UBE2D1: variants seen among roughly 807,000 people sequenced by gnomAD.
UBE2D1 encodes ubiquitin-conjugating enzyme E2 D1.
UBE2D1 carries 9 observed loss-of-function variants against 24.6 expected under a neutral mutation model. The ratio of observed to expected loss-of-function variants is 0.37; its 90% CI spans 0.22 to 0.64. The LOEUF (loss-of-function observed/expected upper bound fraction) is 0.64. Ranked by LOEUF, UBE2D1 falls within the 30% of genes least tolerant of loss-of-function variation. The probability of loss-of-function intolerance (pLI) is 0.64; values close to 1 mark genes in which losing one functional copy is unlikely to be tolerated. For missense variants in UBE2D1, 87 were observed against 177.1 expected, an observed-to-expected ratio of 0.49 and a Z score of 2.89; for synonymous variants, 57 against 57.6, an observed-to-expected ratio of 0.99 and a Z score of 0.04.
At chr10:58,367,390 T>C (rs968580572) in intron 5 of UBE2D1, among the ~76,000 whole-genome samples, 1 of 152,194 alleles carries the variant, frequency 6.6e-6, no homozygotes, top group African/African-American at 2.4e-5. Flanking sequence ...TTTTCATTTC[T>C]TTTTTAAAAT....
Position 58,364,877 on chromosome 10 carries a change from G to C in UBE2D1, c.304+1G>C, listed in dbSNP as rs1178779170. 1 of 1,608,258 alleles carries C rather than the reference G, an allele frequency of 6.2e-7. No homozygotes were observed. Among genetic ancestry groups the C allele is most frequent in the Non-Finnish European group, 8.5e-7 (1 of 1,175,420 alleles). The stretch of plus-strand genomic sequence containing the variant: ...TCACCAGCTCTGACTGTATCAAAAG[G>C]TAATTTCATTGATCAGGTTTGAAAC... On this transcript the variant is annotated splice_donor_variant, in intron 5 of 6. Transcript: ENST00000373910. LOFTEE classifies it high-confidence loss of function.
In UBE2D1 at chr10:58,370,663, CAA is replaced by C. The variant is rs11336978; in HGVS notation, c.*1909_*1910del. On this transcript the variant is annotated 3_prime_UTR_variant, in exon 7 of 7. Transcript: ENST00000373910. ...GTTTCTTGAATATCTTCACTTTAAACAAAAAAAAAAAACAACTTTCATTTGTG... is the reference window on the plus strand; with the variant it reads ...GTTTCTTGAATATCTTCACTTTAAACAAAAAAAAAACAACTTTCATTTGTG... 3.5e-4 allele frequency: 51 copies of C among 144,708 alleles called. No homozygotes were observed. The highest frequency in any genetic ancestry group is 2.5e-3 in the Admixed American group (36 of 14,390). 9.0% of individuals were successfully genotyped at this position (144,708 alleles called of 1,614,324 possible).
chr10:58,351,649 T>A (rs534027407), intron 1 of UBE2D1, among the ~76,000 whole-genome samples: 55 of 152,324 alleles, frequency 3.6e-4, no homozygotes, highest in African/African-American at 1.3e-3. Context: ...TTTTTTTATT[T>A]TATAAGTAGA....
chr10:58,343,737 A>G (rs1839986902), intron 1 of UBE2D1, among the ~76,000 whole-genome samples: 1 of 152,154 alleles, frequency 6.6e-6, no homozygotes, highest in Admixed American at 6.5e-5. Context: ...TTCAAGAATA[A>G]TACTGGATGA....
At chr10:58,345,323 A>C (rs939878663) in intron 1 of UBE2D1, among the ~76,000 whole-genome samples, 2 of 152,100 alleles carry the variant, frequency 1.3e-5, no homozygotes, top group African/African-American at 4.8e-5. Flanking sequence ...AAAAAATTAA[A>C]AAATAGCTCA....
At chr10:58,361,034 G>A (rs1589002824) in intron 1 of UBE2D1, 5 of 484,368 alleles carry the variant, frequency 1.0e-5, no homozygotes, top group Non-Finnish European at 1.5e-5. Flanking sequence ...TATCAACCTA[G>A]CATTTACATA....
At position 58,335,199 on chromosome 10, in the gene UBE2D1, C is replaced by G. The variant is rs1386994448; in HGVS notation, c.-3C>G. The stretch of plus-strand genomic sequence containing the variant: ...CCGGTGTCCCCACCGCCATCCCTGA[C>G]CCATGGCGCTGAAGAGGATTCAGAA... On this transcript the variant is annotated 5_prime_UTR_variant, in exon 1 of 7. Coordinates refer to ENST00000373910, the MANE Select transcript of UBE2D1 (RefSeq NM_003338.5). 6.5e-7 allele frequency: 1 copy of G among 1,548,690 alleles called. No homozygotes were observed. Among genetic ancestry groups the G allele is most frequent in the Non-Finnish European group, 8.7e-7 (1 of 1,149,884 alleles).
chr10:58,366,768 TG>T, intron 5 of UBE2D1, among the ~76,000 whole-genome samples: 1 of 150,896 alleles, frequency 6.6e-6, no homozygotes, highest in East Asian at 2.0e-4. Context: ...TTTTATTTTT[TG>T]AGATGCAGTT....
At chr10:58,351,096 T>C (rs953134430) in intron 1 of UBE2D1, among the ~76,000 whole-genome samples, 3 of 152,224 alleles carry the variant, frequency 2.0e-5, no homozygotes, top group Non-Finnish European at 4.4e-5. Flanking sequence ...GAAGTTGTTC[T>C]GGGTAAGTCA....
rs769251670 is a variant in UBE2D1, at chr10:58,369,159, C to G, written c.*394C>G. ...TATAAATCTGTATTCAGATTTCATT[C>G]TTTGTTAGCTCACTTTATAATTTGT... On this transcript the variant is annotated 3_prime_UTR_variant, in exon 7 of 7. Coordinates refer to ENST00000373910, the MANE Select transcript of UBE2D1 (RefSeq NM_003338.5). 6.5e-6 allele frequency: 1 copy of G among 154,352 alleles called. No homozygotes were observed. The highest frequency in any genetic ancestry group is 6.5e-5 in the Admixed American group (1 of 15,298). 9.6% of individuals were successfully genotyped at this position (154,352 alleles called of 1,614,324 possible).
At chr10:58,363,717 C>G (rs541180851) in intron 4 of UBE2D1, 31 bp downstream of exon 4, 1 of 1,473,266 alleles carries the variant, frequency 6.8e-7, no homozygotes, top group South Asian at 1.2e-5. Context: ...GATGTGACTC[C>G]CATGTAAGAG....
At chr10:58,357,506 T>C (rs1840145179) in intron 1 of UBE2D1, among the ~76,000 whole-genome samples, 1 of 152,182 alleles carries the variant, frequency 6.6e-6, no homozygotes, top group South Asian at 2.1e-4. Context: ...TGTCTAGTTG[T>C]AGTTTCTATT....
chr10:58,344,847 T>G (rs986310157), intron 1 of UBE2D1, among the ~76,000 whole-genome samples: 2 of 151,766 alleles, frequency 1.3e-5, no homozygotes, highest in African/African-American at 4.8e-5. Flanking sequence ...CACAGCTGCC[T>G]TATAGGTAAT....
intron 1 of UBE2D1, among the ~76,000 whole-genome samples, chr10:58,355,098 A>G (rs373137071): frequency 1.3e-5 from 2 of 152,300 alleles, no homozygotes; most frequent in South Asian, 2.1e-4. Context: ...GGAAAACTCT[A>G]CTATATACTC....
chr10:58,355,879 C>G (rs1840125942), intron 1 of UBE2D1, among the ~76,000 whole-genome samples: 1 of 152,060 alleles, frequency 6.6e-6, no homozygotes, highest in Non-Finnish European at 1.5e-5. Context: ...ATGCCTTCTT[C>G]CTGTTACAAG....
At chr10:58,357,675 A>C (rs1840147426) in intron 1 of UBE2D1, among the ~76,000 whole-genome samples, 1 of 152,118 alleles carries the variant, frequency 6.6e-6, no homozygotes, top group Non-Finnish European at 1.5e-5. Context: ...TACGCATCCT[A>C]GTTTCAGTTA....
At position 58,355,940 on chromosome 10, in the gene UBE2D1, C is replaced by T. The variant is rs151264153; in HGVS notation, c.25-5398C>T. ...TTTAATTGTTGGGTCTTCTTAGTAG[C>T]TATCCTCCAATCTGTGACAGTACCT... On this transcript the variant is annotated intron_variant, in intron 1 of 6. Transcript: ENST00000373910. Among the ~76,000 whole-genome samples the T allele has an allele frequency of 2.7e-3, 414 of 152,194 alleles. 1 individual carries two copies. Among genetic ancestry groups the T allele is most frequent in the African/African-American group, 9.4e-3 (390 of 41,544 alleles).
At chr10:58,365,001 T>G in intron 5 of UBE2D1, 125 bp downstream of exon 5, 1 of 698,348 alleles carries the variant, frequency 1.4e-6, no homozygotes, top group Non-Finnish European at 2.3e-6. Context: ...TTGATTTTGT[T>G]TTGCTCTCTT....
intron 1 of UBE2D1, among the ~76,000 whole-genome samples, chr10:58,355,318 T>C (rs890802252): frequency 6.6e-6 from 1 of 152,194 alleles, no homozygotes; most frequent in African/African-American, 2.4e-5. Context: ...TGGTCTTTAC[T>C]AAGCAATGGG....
Sources: allele counts gnomAD v4.1 joint callset (sites outside exome capture counted in the v4.1 genomes callset), GRCh38; gene constraint gnomAD v4.1.1; transcripts MANE v1.5; gene names NCBI Gene and HGNC (gene_info 2026-07-23, HGNC 2026-07-21).